The following MALT1 variants were observed in gnomAD, a reference collection of about 807,000 sequenced individuals.
The protein encoded by MALT1 is mucosa-associated lymphoid tissue lymphoma translocation protein 1.
In MALT1, 36 loss-of-function variants were observed where a neutral mutation model predicts 85.5. The observed-to-expected ratio is 0.42, with a 90% CI of 0.32 to 0.56. The LOEUF (loss-of-function observed/expected upper bound fraction) is 0.56, where lower values mean the gene tolerates loss of function less well. MALT1 is among the 20% of genes least tolerant of loss of function. The pLI, the probability that MALT1 is intolerant of heterozygous loss-of-function variation, is 0.10. For synonymous variants in MALT1, 359 were observed against 361.3 expected (o/e 0.99, Z 0.07); for missense variants, 716 against 981.6 (o/e 0.73, Z 3.62).
intron 2 of MALT1, among the ~76,000 whole-genome samples, chr18:58,687,236 A>G (rs1249603165): frequency 1.3e-5 from 2 of 152,248 alleles, no homozygotes; most frequent in Non-Finnish European, 2.9e-5. Context: ...ATGGATGTGC[A>G]TGAGGATAAG....
chr18:58,720,385 C>T (rs2054966985), intron 9 of MALT1, among the ~76,000 whole-genome samples: 1 of 152,168 alleles, frequency 6.6e-6, no homozygotes, highest in Non-Finnish European at 1.5e-5. Flanking sequence ...CCCAGTTCAC[C>T]TGTCACCCAG....
Position 58,681,290 on chromosome 18 carries a change from G to A in MALT1, c.330G>A (p.Leu110=), listed in dbSNP as rs2054319557. 6.2e-7 allele frequency: 1 copy of A among 1,614,046 alleles called. No homozygotes were observed. The highest frequency in any genetic ancestry group is 1.3e-5 in the African/African-American group (1 of 74,930). Reference sequence around the variant, plus strand: ...CAGTCACAGAATTGAGTGATTTCCTGCAGGCTATGGAACACACTGAAGTTC... The same window carrying A: ...CAGTCACAGAATTGAGTGATTTCCTACAGGCTATGGAACACACTGAAGTTC... ...GCTVTELSDF[L]QAMEHTEVLQ... is the part of the protein sequence containing the mutation. The change falls in exon 2 of 17, where the codon CTG becomes CTA. Residue 110 remains leucine (L), a synonymous_variant. Coordinates refer to ENST00000649217, the MANE Select transcript of MALT1 (RefSeq NM_006785.4).
rs78198320 is a variant in MALT1 at position 58,745,431 on chromosome 18, C to CTGA, written c.1912-234_1912-233insGAT. On this transcript the variant is annotated intron_variant, in intron 15 of 16. Coordinates refer to ENST00000649217, the MANE Select transcript of MALT1 (RefSeq NM_006785.4). ...TTTCTAGGAATCATTTGAAAGGAAG[C>CTGA]TCTTTCAGAGCTCACTTTACTTTTT... is the stretch of plus-strand genomic sequence containing the variant. Among the ~76,000 whole-genome samples the CTGA allele has an allele frequency of 8.5e-5, 13 of 152,292 alleles. No homozygotes were observed. The East Asian group carries it at 2.3e-3, about 27-fold the overall frequency.
intron 2 of MALT1, among the ~76,000 whole-genome samples, chr18:58,683,005 TG>T (rs2054345181): frequency 6.6e-6 from 1 of 152,240 alleles, no homozygotes; most frequent in African/African-American, 2.4e-5. Context: ...AACTGTTGTT[TG>T]GCACCAAACA....
intron 2 of MALT1, chr18:58,691,609 A>G (rs6420555): frequency 0.59 from 98,756 of 166,014 alleles, 32,248 homozygotes; most frequent in African/African-American, 0.9. Flanking sequence ...AGTGGCTCGC[A>G]CCTGTAATCC....
At chr18:58,671,913 A>T in intron 1 of MALT1, 61 bp downstream of exon 1, 20 of 916,774 alleles carry the variant, frequency 2.2e-5, no homozygotes, top group Non-Finnish European at 2.8e-5. Context: ...TGCGGTGGGG[A>T]GGTGGGGGCG....
chr18:58,737,969 T>G (rs6567006), intron 13 of MALT1, among the ~76,000 whole-genome samples: 1 of 152,194 alleles, frequency 6.6e-6, no homozygotes, highest in African/African-American at 2.4e-5. Flanking sequence ...ATCTGTAACG[T>G]GACTTTTATT....
chr18:58,730,218 T>C (rs2055128243), intron 10 of MALT1, among the ~76,000 whole-genome samples: 1 of 152,206 alleles, frequency 6.6e-6, no homozygotes, highest in African/African-American at 2.4e-5. Context: ...GATTTCAGTA[T>C]CTTCACAAAG....
chr18:58,682,202 A>C (rs1334115570), intron 2 of MALT1, among the ~76,000 whole-genome samples: 1 of 152,170 alleles, frequency 6.6e-6, no homozygotes, highest in African/African-American at 2.4e-5. Flanking sequence ...ATATATTTTT[A>C]AGTTAACATG....
chr18:58,686,894 A>T (rs965301400), intron 2 of MALT1, among the ~76,000 whole-genome samples: 1 of 152,244 alleles, frequency 6.6e-6, no homozygotes, highest in Admixed American at 6.5e-5. Context: ...AAACATTTAC[A>T]TGGAAAATGA....
intron 4 of MALT1, among the ~76,000 whole-genome samples, chr18:58,702,505 C>T (rs989596284): frequency 3.9e-4 from 60 of 152,292 alleles, no homozygotes; most frequent in African/African-American, 1.3e-3. Context: ...TAGATAAGCA[C>T]ATAGCATTTG....
In MALT1 at chr18:58,709,550, A is replaced by G. The variant is rs762795672; in HGVS notation, c.822A>G (p.Leu274=). The change falls in exon 5 of 17, where the codon CTA becomes CTG. Residue 274 remains leucine (L), a synonymous_variant. Coordinates refer to ENST00000649217, the MANE Select transcript of MALT1 (RefSeq NM_006785.4). ...CATTAACACATGAGACCAAAAAGCT[A>G]TACATGGTAGGAAGTTGATTTTGGG... ...ELPLTHETKK[L]YMVPYVDLEH... 39 of 1,601,340 alleles carry G rather than the reference A, an allele frequency of 2.4e-5. No individual in the cohort carries two copies. Among genetic ancestry groups the G allele is most frequent in the South Asian group, 1.7e-4 (15 of 87,984 alleles).
At chr18:58,708,259 G>A (rs1283535169) in intron 4 of MALT1, among the ~76,000 whole-genome samples, 2 of 152,222 alleles carry the variant, frequency 1.3e-5, no homozygotes, top group Non-Finnish European at 1.5e-5. Context: ...GAGAAGGGCC[G>A]AAGACAGGGA....
chr18:58,731,574 A>G (rs1490633998), intron 10 of MALT1, among the ~76,000 whole-genome samples: 1 of 152,156 alleles, frequency 6.6e-6, no homozygotes, highest in African/African-American at 2.4e-5. Context: ...TCTCCTGCCC[A>G]TAATCTACCT....
At chr18:58,744,235 C>A in intron 14 of MALT1, 103 bp from the exon 15 acceptor site, 1 of 698,722 alleles carries the variant, frequency 1.4e-6, no homozygotes, top group Non-Finnish European at 2.3e-6. Flanking sequence ...CAATGTAAAT[C>A]ATGTTTTTAA....
rs903518992 is a variant in MALT1, at chr18:58,747,334, T to C, written c.2038-71T>C. The C allele has an allele frequency of 3.8e-5, 37 of 978,716 alleles. 1 individual carries two copies. The African/African-American group carries it at 5.5e-4, about 15-fold the overall frequency. 60.6% of individuals were successfully genotyped at this position (978,716 alleles called of 1,614,324 possible). ...ATTTTTGGGGGTGGGGGTGTGTATG[T>C]GTGAATATTTTCAGATTGATATATA... On this transcript the variant is annotated intron_variant, in intron 16 of 16. Transcript: ENST00000649217.
chr18:58,742,116 A>G (rs1160234682), intron 14 of MALT1, 102 bp downstream of exon 14: 2 of 1,018,160 alleles, frequency 2.0e-6, no homozygotes, highest in South Asian at 3.7e-5. Context: ...TACAGTGAAA[A>G]TATTTTGGCC....
At chr18:58,707,927 CT>C (rs779586832) in intron 4 of MALT1, among the ~76,000 whole-genome samples, 6 of 152,198 alleles carry the variant, frequency 3.9e-5, no homozygotes, top group Non-Finnish European at 8.8e-5. Flanking sequence ...TGTTTTACAG[CT>C]CTAGTGCCAA....
At chr18:58,681,005 A>G (rs1157266981) in intron 1 of MALT1, among the ~76,000 whole-genome samples, 165 bp from the exon 2 acceptor site, 1 of 151,504 alleles carries the variant, frequency 6.6e-6, no homozygotes, top group Non-Finnish European at 1.5e-5. Context: ...ATTCCCCGTG[A>G]TGAAAGAGGA....
Sources: allele counts gnomAD v4.1 joint callset (sites outside exome capture counted in the v4.1 genomes callset), GRCh38; gene constraint gnomAD v4.1.1; transcripts MANE v1.5; gene names NCBI Gene and HGNC (gene_info 2026-07-23, HGNC 2026-07-21).